The following GMDS variants were observed in gnomAD, a reference collection of about 807,000 sequenced individuals.
GMDS encodes the protein GDP-mannose 4,6-dehydratase.
Under a neutral mutation model 49.9 loss-of-function variants are expected in GMDS, and 20 were observed. The ratio of observed to expected loss-of-function variants is 0.40; its 90% confidence interval spans 0.28 to 0.58. The LOEUF (loss-of-function observed/expected upper bound fraction) is 0.58. Ranked by LOEUF, GMDS falls within the 20% of genes least tolerant of loss-of-function variation. GMDS has a pLI of 0.42. For missense variants in GMDS, 362 were observed against 481.4 expected, an observed-to-expected ratio of 0.75 and a Z score of 2.32; for synonymous variants, 177 against 178.6, an observed-to-expected ratio of 0.99 and a Z score of 0.07.
intron 7 of GMDS, among the ~76,000 whole-genome samples, chr6:1,844,766 G>A (rs189904577): frequency 2.3e-3 from 346 of 152,320 alleles, no homozygotes; most frequent in Non-Finnish European, 1.6e-3. Context: ...ACAGATGAAA[G>A]TGCATCTCGA....
intron 7 of GMDS, among the ~76,000 whole-genome samples, chr6:1,891,327 C>T (rs1759858077): frequency 6.6e-6 from 1 of 152,204 alleles, no homozygotes; most frequent in South Asian, 2.1e-4. Flanking sequence ...CCAAATCCAA[C>T]CTACTATACA....
intron 9 of GMDS, among the ~76,000 whole-genome samples, chr6:1,692,231 G>T (rs1366629137): frequency 6.6e-6 from 1 of 152,192 alleles, no homozygotes; most frequent in African/African-American, 2.4e-5. Flanking sequence ...CTGCACTATA[G>T]GCTTCCCTGC....
chr6:2,078,643 C>A (rs931315108), intron 4 of GMDS, among the ~76,000 whole-genome samples: 1 of 151,944 alleles, frequency 6.6e-6, no homozygotes, highest in Admixed American at 6.6e-5. Context: ...TATGATCTTG[C>A]GTTTTAAAAA....
intron 7 of GMDS, among the ~76,000 whole-genome samples, chr6:1,853,138 C>A (rs1009069231): frequency 6.6e-6 from 1 of 152,196 alleles, no homozygotes; most frequent in Non-Finnish European, 1.5e-5. Flanking sequence ...TAAGGGCATA[C>A]AAGAAACTCT....
chr6:1,837,518 A>AC (rs1431722918), intron 7 of GMDS, among the ~76,000 whole-genome samples: 1 of 152,018 alleles, frequency 6.6e-6, no homozygotes, highest in Non-Finnish European at 1.5e-5. Context: ...AGTGTGGTGT[A>AC]CCCCCGTCCC....
At chr6:1,859,223 G>C (rs62388423) in intron 7 of GMDS, among the ~76,000 whole-genome samples, 8 of 152,154 alleles carry the variant, frequency 5.3e-5, no homozygotes, top group African/African-American at 1.9e-4. Flanking sequence ...GGATTCCAAC[G>C]TGGAACCCTG....
chr6:1,891,982 C>A (rs1759892037), intron 7 of GMDS, among the ~76,000 whole-genome samples: 1 of 152,168 alleles, frequency 6.6e-6, no homozygotes, highest in Admixed American at 6.5e-5. Flanking sequence ...TTGTTAGGAT[C>A]CATGCTTAAC....
chr6:1,764,884 G>C (rs1768289252), intron 7 of GMDS, among the ~76,000 whole-genome samples: 1 of 152,160 alleles, frequency 6.6e-6, no homozygotes, highest in Non-Finnish European at 1.5e-5. Context: ...TCAACATGCG[G>C]GTTTTTGCAA....
At chr6:1,945,694 A>G (rs1763047419) in intron 6 of GMDS, among the ~76,000 whole-genome samples, 1 of 152,152 alleles carries the variant, frequency 6.6e-6, no homozygotes, top group Non-Finnish European at 1.5e-5. Flanking sequence ...AAGATTGCTT[A>G]AGCCTAGGAG....
At chr6:1,964,959 A>G (rs534634135) in intron 4 of GMDS, among the ~76,000 whole-genome samples, 82 of 151,954 alleles carry the variant, frequency 5.4e-4, no homozygotes, top group South Asian at 1.0e-3. Flanking sequence ...GCTGAGAATG[A>G]TGGTTTCCAG....
intron 7 of GMDS, among the ~76,000 whole-genome samples, chr6:1,923,055 T>G (rs551041945): frequency 5.9e-5 from 9 of 152,338 alleles, no homozygotes; most frequent in African/African-American, 2.2e-4. Context: ...CTCTCTTCCC[T>G]GCTGCCATGT....
At chr6:2,053,582 G>T (rs1161298722) in intron 4 of GMDS, among the ~76,000 whole-genome samples, 1 of 151,858 alleles carries the variant, frequency 6.6e-6, no homozygotes, top group Non-Finnish European at 1.5e-5. Flanking sequence ...ACTTTTTATA[G>T]TTGTCCTATC....
chr6:1,860,237 T>C (rs1187230902), intron 7 of GMDS, among the ~76,000 whole-genome samples: 1 of 152,208 alleles, frequency 6.6e-6, no homozygotes, highest in East Asian at 1.9e-4. Context: ...ATGATTTTGT[T>C]TCTGAAGTTA....
chr6:1,852,152 G>A (rs1004295265), intron 7 of GMDS, among the ~76,000 whole-genome samples: 2 of 152,352 alleles, frequency 1.3e-5, no homozygotes, highest in Middle Eastern at 3.4e-3. Context: ...CAGTTTTGCT[G>A]GCAACTCAAA....
chr6:1,793,174 G>T (rs1769607712), intron 7 of GMDS, among the ~76,000 whole-genome samples: 1 of 152,080 alleles, frequency 6.6e-6, no homozygotes, highest in Non-Finnish European at 1.5e-5. Flanking sequence ...GGCACTGTGG[G>T]GCAGTTTCCT....
intron 4 of GMDS, among the ~76,000 whole-genome samples, chr6:2,027,877 GCTTT>G (rs1228574775): frequency 6.6e-6 from 1 of 151,966 alleles, no homozygotes; most frequent in Non-Finnish European, 1.5e-5. Context: ...AATCAAATTG[GCTTT>G]CTATCATGAT....
At position 1,996,124 on chromosome 6, in the gene GMDS, TTCC is replaced by T. The variant is rs995190219; in HGVS notation, c.346-35161_346-35159del. On this transcript the variant is annotated intron_variant, in intron 4 of 10. Transcript: ENST00000380815. ...TCCTTCTCCTTCTCCTTCCTCCTCC[TTCC>T]TCCTTCCTCTTCTTCCTCCTTCCTC... Among the ~76,000 whole-genome samples, 178 of 151,840 alleles carry T rather than the reference TTCC, an allele frequency of 1.2e-3. 1 individual carries two copies. The highest frequency in any genetic ancestry group is 4.2e-3 in the African/African-American group (173 of 41,428).
At chr6:1,941,417 C>T (rs570647075) in intron 6 of GMDS, among the ~76,000 whole-genome samples, 29 of 152,168 alleles carry the variant, frequency 1.9e-4, no homozygotes, top group African/African-American at 6.3e-4. Context: ...AGCAAGGACA[C>T]GGGAGTATCC....
rs188303435 is a variant in GMDS at position 2,006,086 on chromosome 6, C to T, written c.346-45120G>A. On this transcript the variant is annotated intron_variant, in intron 4 of 10. Coordinates refer to ENST00000380815, the MANE Select transcript of GMDS (RefSeq NM_001500.4). ...AGACAAGCATGTCCAGCTTCCTCCACCTGAATGCCCTCACCTCCATTCACT... is the reference window on the plus strand; with the variant it reads ...AGACAAGCATGTCCAGCTTCCTCCATCTGAATGCCCTCACCTCCATTCACT... Among the ~76,000 whole-genome samples the T allele has an allele frequency of 5.9e-5, 9 of 152,212 alleles. No homozygotes were observed. The East Asian group carries it at 1.7e-3, about 29-fold the overall frequency.
Sources: allele counts gnomAD v4.1 joint callset (sites outside exome capture counted in the v4.1 genomes callset), GRCh38; gene constraint gnomAD v4.1.1; transcripts MANE v1.5; gene names NCBI Gene and HGNC (gene_info 2026-07-23, HGNC 2026-07-21).